Variants in TALDO1 observed in about 807,000 individuals in gnomAD.
TALDO1 encodes transaldolase 1, also known as transaldolase.
Under a neutral mutation model 38.1 loss-of-function variants are expected in TALDO1, and 29 were observed. That is an observed-to-expected ratio of 0.76 (90% confidence interval 0.57 to 1.04). The LOEUF is 1.04. TALDO1 is among the 50% of genes least tolerant of loss of function. The pLI is 0.00. For missense variants in TALDO1, 499 were observed against 438.1 expected (o/e 1.14, Z -1.24); for synonymous variants, 207 against 176.8 (o/e 1.17, Z -1.36).
rs759875931 is a variant in TALDO1 at position 764,842 on chromosome 11, G to T, written c.1011G>T (p.Lys337Asn). ...TERMFNAENG[K>N] The stretch of plus-strand genomic sequence containing the variant: ...GAATGTTCAATGCAGAGAATGGAAA[G>T]TAGCGCATCCCTGAGGCTGGACTCC... Residue 337 changes from lysine (K) to asparagine (N), a missense_variant, in exon 8 of 8, where the codon AAG becomes AAT. Coordinates refer to ENST00000319006, the MANE Select transcript of TALDO1 (RefSeq NM_006755.2). The T allele has an allele frequency of 6.2e-7, 1 of 1,614,148 alleles. No homozygotes were observed. Among genetic ancestry groups the T allele is most frequent in the South Asian group, 1.1e-5 (1 of 91,080 alleles).
chr11:764,544 A>AT, intron 7 of TALDO1, 111 bp downstream of exon 7: 1 of 1,523,656 alleles, frequency 6.6e-7, no homozygotes, highest in African/African-American at 1.4e-5. Flanking sequence ...CCCAGGTCTC[A>AT]TTCACGTGCT....
chr11:761,966 TTTTG>T (rs1219963748), intron 4 of TALDO1, among the ~76,000 whole-genome samples: 9 of 151,594 alleles, frequency 5.9e-5, no homozygotes, highest in Non-Finnish European at 1.0e-4. Flanking sequence ...TTGTGTGTTT[TTTTG>T]TTTTTTTTTG....
Position 747,485 on chromosome 11 carries a change from T to A in TALDO1, c.4T>A (p.Ser2Thr). Reference sequence around the variant, plus strand: ...CCGCAGACCCCTCGGTCTTGCTATGTCGAGCTCACCCGTGAAGCGTCAGAG... The same window carrying A: ...CCGCAGACCCCTCGGTCTTGCTATGACGAGCTCACCCGTGAAGCGTCAGAG... M[S>T]SSPVKRQRME... Residue 2 changes from serine (S) to threonine (T), a missense_variant, in exon 1 of 8, where the codon TCG (serine) becomes ACG (threonine). Physicochemically the swap from Ser to Thr is moderately conservative, Grantham distance 58. Coordinates refer to ENST00000319006, the MANE Select transcript of TALDO1 (RefSeq NM_006755.2). 1 of 1,595,660 alleles carries A rather than the reference T, an allele frequency of 6.3e-7. No homozygotes were observed. The highest frequency in any genetic ancestry group is 8.5e-7 in the Non-Finnish European group (1 of 1,172,990).
chr11:758,923 C>T (rs1298165593), intron 2 of TALDO1, 27 bp from the exon 3 acceptor site: 1 of 1,582,248 alleles, frequency 6.3e-7, no homozygotes, highest in African/African-American at 1.5e-5. Context: ...AAGCTTCTAA[C>T]CTGCTTTTTT....
At chr11:756,881 C>T (rs1862847074) in intron 2 of TALDO1, among the ~76,000 whole-genome samples, 1 of 152,176 alleles carries the variant, frequency 6.6e-6, no homozygotes, top group African/African-American at 2.4e-5. Flanking sequence ...TGCAGTAGCT[C>T]CCCACTCCCT....
At chr11:758,898 C>G in intron 2 of TALDO1, 52 bp from the exon 3 acceptor site, 1 of 1,519,468 alleles carries the variant, frequency 6.6e-7, no homozygotes, top group Non-Finnish European at 9.1e-7. Context: ...AGCCACCGCA[C>G]CTGGCGAACC....
intron 4 of TALDO1, among the ~76,000 whole-genome samples, chr11:761,441 C>T (rs1161318156): frequency 1.3e-5 from 2 of 150,698 alleles, no homozygotes; most frequent in African/African-American, 4.9e-5. Flanking sequence ...GTTGAGGTTC[C>T]AGTAGCTATG....
intron 2 of TALDO1, 93 bp downstream of exon 2, chr11:756,095 C>T (rs1862833072): frequency 2.0e-6 from 3 of 1,511,164 alleles, no homozygotes; most frequent in Non-Finnish European, 8.9e-7. Flanking sequence ...AGTTCTCAAA[C>T]ACCATGAACT....
Position 763,414 on chromosome 11 carries a change from T to C in TALDO1, c.532T>C (p.Cys178Arg). Residue 178 changes from cysteine to arginine, a missense_variant, in exon 5 of 8, where the codon TGT (cysteine) becomes CGT (arginine). Physicochemically the swap from Cys to Arg is radical, Grantham distance 180. Transcript: ENST00000319006. ...CTTCTCCTTCGCCCAGGCTGTGGCC[T>C]GTGCCGAGGCGGGTGTGACCCTCAT... ...LLFSFAQAVA[C>R]AEAGVTLISP... 1.2e-6 allele frequency: 2 copies of C among 1,613,298 alleles called. No individual in the cohort carries two copies. The highest frequency in any genetic ancestry group is 1.7e-6 in the Non-Finnish European group (2 of 1,179,786).
At chr11:757,846 A>T (rs542797533) in intron 2 of TALDO1, among the ~76,000 whole-genome samples, 3 of 152,354 alleles carry the variant, frequency 2.0e-5, no homozygotes, top group Non-Finnish European at 4.4e-5. Flanking sequence ...AATACATTTT[A>T]AAATGGTGGG....
intron 1 of TALDO1, among the ~76,000 whole-genome samples, chr11:754,215 C>T (rs1467556208): frequency 1.3e-5 from 2 of 152,020 alleles, no homozygotes; most frequent in Non-Finnish European, 2.9e-5. Flanking sequence ...GAACTCCTGA[C>T]CTCAAGTGAT....
Position 763,435 on chromosome 11 carries a change from C to G in TALDO1, c.553C>G (p.Leu185Val). 2 of 1,613,586 alleles carry G rather than the reference C, an allele frequency of 1.2e-6. No individual in the cohort carries two copies. The highest frequency in any genetic ancestry group is 1.7e-6 in the Non-Finnish European group (2 of 1,179,908). Residue 185 changes from leucine (L) to valine (V), a missense_variant, in exon 5 of 8, where the codon CTC becomes GTC. Coordinates refer to ENST00000319006, the MANE Select transcript of TALDO1 (RefSeq NM_006755.2). ...GGCCTGTGCCGAGGCGGGTGTGACC[C>G]TCATCTCCCCATTTGTTGGGCGCAT... ...AVACAEAGVTLISPFVGRILD... is the reference protein window; with the variant it reads ...AVACAEAGVTVISPFVGRILD...
At chr11:752,523 G>A (rs933718654) in intron 1 of TALDO1, 7 of 152,180 alleles carry the variant, frequency 4.6e-5, no homozygotes, top group Admixed American at 2.0e-4. Context: ...CTCATTAGAT[G>A]ATAATATTTC....
intron 2 of TALDO1, among the ~76,000 whole-genome samples, chr11:757,533 G>T (rs1014903226): frequency 6.6e-6 from 1 of 152,060 alleles, no homozygotes. Flanking sequence ...AGCTTGAGCA[G>T]TCTGCCCACC....
intron 1 of TALDO1, 144 bp downstream of exon 1, chr11:747,722 C>T: frequency 1.4e-6 from 1 of 719,304 alleles, no homozygotes; most frequent in Non-Finnish European, 2.2e-6. Flanking sequence ...AGCGCAGGTG[C>T]CGGATGTTGG....
intron 1 of TALDO1, among the ~76,000 whole-genome samples, chr11:751,820 A>C (rs1040824205): frequency 6.6e-6 from 1 of 150,904 alleles, no homozygotes; most frequent in Non-Finnish European, 1.5e-5. Flanking sequence ...ATAATAATAA[A>C]CCATCAACCT....
In TALDO1 at chr11:755,905, G is replaced by T; in HGVS notation, c.124G>T (p.Ala42Ser). The T allele has an allele frequency of 6.2e-7, 1 of 1,614,168 alleles. No homozygotes were observed. Among genetic ancestry groups the T allele is most frequent in the Non-Finnish European group, 8.5e-7 (1 of 1,180,036 alleles). Residue 42 changes from alanine (A) to serine (S), a missense_variant, in exon 2 of 8, where the codon GCT (alanine) becomes TCT (serine). Transcript: ENST00000319006. ...HAIDEYKPQDATTNPSLILAA... is the reference protein window; with the variant it reads ...HAIDEYKPQDSTTNPSLILAA... The stretch of plus-strand genomic sequence containing the variant: ...CATCGACGAGTACAAGCCCCAGGAT[G>T]CTACCACCAACCCGTCCCTGATCCT...
chr11:747,633 G>C, intron 1 of TALDO1, 55 bp downstream of exon 1: 2 of 1,439,960 alleles, frequency 1.4e-6, no homozygotes, highest in Admixed American at 4.2e-5. Context: ...AGGCCCCGGC[G>C]CCCCGATTTC....
chr11:762,010 T>G (rs1452392749), intron 4 of TALDO1, among the ~76,000 whole-genome samples: 1 of 152,040 alleles, frequency 6.6e-6, no homozygotes, highest in African/African-American at 2.4e-5. Flanking sequence ...TTCTCGTCCA[T>G]GCTGGAGTGC....
Sources: allele counts gnomAD v4.1 joint callset (sites outside exome capture counted in the v4.1 genomes callset), GRCh38; gene constraint gnomAD v4.1.1; transcripts MANE v1.5; gene names NCBI Gene and HGNC (gene_info 2026-07-23, HGNC 2026-07-21).